Variants in DHRSX observed in about 807,000 individuals in gnomAD.
DHRSX encodes the protein dehydrogenase/reductase X-linked.
DHRSX carries 31 observed loss-of-function variants against 34.0 expected under a neutral mutation model. The observed-to-expected ratio is 0.91, with a 90% CI of 0.69 to 1.23. The LOEUF is 1.23. DHRSX is among the 50% of genes most tolerant of loss of function. The pLI, the probability that DHRSX is intolerant of heterozygous loss-of-function variation, is 0.00. For synonymous variants in DHRSX, 201 were observed against 183.8 expected, an observed-to-expected ratio of 1.09 and a Z score of -0.76; for missense variants, 414 against 428.1, an observed-to-expected ratio of 0.97 and a Z score of 0.29.
chrX:2,461,296 G>A (rs753587444), intron 1 of DHRSX, among the ~76,000 whole-genome samples: 1 of 152,176 alleles, frequency 6.6e-6, no homozygotes, highest in Non-Finnish European at 1.5e-5. Flanking sequence ...CTAAAAGCCA[G>A]TTGGAGCCTG....
intron 2 of DHRSX, among the ~76,000 whole-genome samples, chrX:2,411,554 CAAAA>C (rs774788900): frequency 7.2e-5 from 4 of 55,556 alleles, no homozygotes. Context: ...AACTCTGTCC[CAAAA>C]AAAAAAAAAA....
At chrX:2,253,574 A>C (rs939568900) in intron 5 of DHRSX, among the ~76,000 whole-genome samples, 11 of 152,270 alleles carry the variant, frequency 7.2e-5, no homozygotes, top group Admixed American at 1.3e-4. Flanking sequence ...TGGGTGAGAC[A>C]GGGAGACTGC....
chrX:2,431,015 A>T (rs759806080), intron 1 of DHRSX, among the ~76,000 whole-genome samples: 1 of 148,876 alleles, frequency 6.7e-6, no homozygotes, highest in South Asian at 2.1e-4. Flanking sequence ...ACAGAGCAAG[A>T]CTGTCTCAAA....
chrX:2,326,810 T>A (rs1201130814), intron 3 of DHRSX, among the ~76,000 whole-genome samples: 2 of 45,344 alleles, frequency 4.4e-5, no homozygotes, highest in Non-Finnish European at 7.9e-5. Flanking sequence ...TCAGTTTTTC[T>A]TTTTTTTTTT....
chrX:2,491,956 A>G (rs373824722), intron 1 of DHRSX, among the ~76,000 whole-genome samples: 13 of 152,318 alleles, frequency 8.5e-5, no homozygotes, highest in African/African-American at 2.2e-4. Flanking sequence ...GGGTTGCCCA[A>G]AATGACAGCT....
At chrX:2,311,502 G>A (rs2042165116) in intron 3 of DHRSX, among the ~76,000 whole-genome samples, 2 of 152,096 alleles carry the variant, frequency 1.3e-5, no homozygotes, top group Admixed American at 1.3e-4. Context: ...AATTAAAGTT[G>A]TCCTCTGACT....
intron 1 of DHRSX, among the ~76,000 whole-genome samples, chrX:2,426,107 C>T (rs2043843570): frequency 6.6e-6 from 1 of 152,056 alleles, no homozygotes. Flanking sequence ...GTGGGCTCTT[C>T]ACCACCTCTG....
At chrX:2,304,120 GATAAATGGATGGATGGATGA>G (rs2042062499) in intron 3 of DHRSX, among the ~76,000 whole-genome samples, 4 of 65,170 alleles carry the variant, frequency 6.1e-5, no homozygotes, top group Non-Finnish European at 9.6e-5. Context: ...TGGATGGATG[GATAAATGGATGGATGGATGA>G]ATGGATGGAT....
intron 3 of DHRSX, among the ~76,000 whole-genome samples, chrX:2,314,406 A>C (rs2042209701): frequency 2.7e-5 from 2 of 73,120 alleles, no homozygotes; most frequent in African/African-American, 7.0e-5. Context: ...GAAGGGAAAG[A>C]AGGGAGGGAA....
At chrX:2,233,563 G>A (rs1378178481) in intron 6 of DHRSX, among the ~76,000 whole-genome samples, 2 of 152,152 alleles carry the variant, frequency 1.3e-5, no homozygotes, top group Non-Finnish European at 2.9e-5. Flanking sequence ...TCTGCATCAA[G>A]CCACTCTTGA....
At chrX:2,268,502 A>G (rs1167592097) in intron 4 of DHRSX, among the ~76,000 whole-genome samples, 1 of 152,226 alleles carries the variant, frequency 6.6e-6, no homozygotes, top group African/African-American at 2.4e-5. Context: ...ATATAACTGC[A>G]TGTATGCATA....
At chrX:2,459,181 A>C (rs868585043) in intron 1 of DHRSX, among the ~76,000 whole-genome samples, 22 of 152,142 alleles carry the variant, frequency 1.4e-4, no homozygotes, top group African/African-American at 5.3e-4. Context: ...CAGTTACATA[A>C]AAGAAATAAA....
chrX:2,222,734 C>T (rs2015549758), intron 6 of DHRSX, among the ~76,000 whole-genome samples: 1 of 152,172 alleles, frequency 6.6e-6, no homozygotes, highest in Non-Finnish European at 1.5e-5. Flanking sequence ...GGCACACACC[C>T]TCCAAAAAGG....
intron 3 of DHRSX, among the ~76,000 whole-genome samples, chrX:2,339,002 A>C (rs915058243): frequency 1.3e-5 from 2 of 152,050 alleles, no homozygotes; most frequent in Non-Finnish European, 2.9e-5. Flanking sequence ...ATGATAATCC[A>C]TATAATTTCC....
chrX:2,302,372 G>A lies in DHRSX; in HGVS notation c.287-10769C>T, dbSNP rs556890681. 3.8e-4 allele frequency among the ~76,000 whole-genome samples: 58 copies of A among 152,280 alleles called. No individual in the cohort carries two copies. In the South Asian group the frequency reaches 9.8e-3, roughly 26 times the overall value. ...CACACCTGTTATCCCAGCACTTTGG[G>A]AGGCCAAAGCGGGCGGATCGCTTGA... On this transcript the variant is annotated intron_variant, in intron 3 of 6. Transcript: ENST00000334651.
At chrX:2,231,036 G>A (rs1187059377) in intron 6 of DHRSX, among the ~76,000 whole-genome samples, 1 of 152,110 alleles carries the variant, frequency 6.6e-6, no homozygotes, top group East Asian at 1.9e-4. Flanking sequence ...GTCACTGGAA[G>A]GTCTCGCACA....
intron 5 of DHRSX, 22 bp from the exon 6 acceptor site, chrX:2,243,252 G>A (rs773188628): frequency 1.5e-5 from 24 of 1,609,144 alleles, no homozygotes; most frequent in Non-Finnish European, 2.0e-5. Flanking sequence ...GCAGGAGAAG[G>A]TGTAAGAGGC....
intron 5 of DHRSX, among the ~76,000 whole-genome samples, chrX:2,256,015 C>CTTTT (rs768032121): frequency 2.1e-5 from 3 of 139,978 alleles, no homozygotes; most frequent in African/African-American, 5.3e-5. Flanking sequence ...ATGTGTCCCT[C>CTTTT]TTTTTTTTTT....
At chrX:2,227,478 G>A (rs940710169) in intron 6 of DHRSX, among the ~76,000 whole-genome samples, 4 of 141,190 alleles carry the variant, frequency 2.8e-5, no homozygotes, top group Non-Finnish European at 3.1e-5. Flanking sequence ...GAAGGAAGCA[G>A]AGAACAAGAC....
Sources: allele counts gnomAD v4.1 joint callset (sites outside exome capture counted in the v4.1 genomes callset), GRCh38; gene constraint gnomAD v4.1.1; transcripts MANE v1.5; gene names NCBI Gene and HGNC (gene_info 2026-07-23, HGNC 2026-07-21).